MYH15: variants seen among roughly 807,000 people sequenced by gnomAD.
MYH15 encodes myosin-15.
In MYH15, 227 loss-of-function variants were observed where a neutral mutation model predicts 240.5. The ratio of observed to expected loss-of-function variants is 0.94; its 90% CI spans 0.85 to 1.05. The LOEUF (loss-of-function observed/expected upper bound fraction) is 1.05, where lower values mean the gene tolerates loss of function less well. Among genes scored for constraint, MYH15 ranks in the 50% least tolerant of loss-of-function variants. MYH15 has a pLI of 0.00. For missense variants in MYH15, 2,217 were observed against 2,247.5 expected (o/e 0.99, Z 0.27); for synonymous variants, 785 against 796.7 (o/e 0.99, Z 0.25).
the MYH15 span, among the ~76,000 whole-genome samples, chr3:108,544,821 T>A: frequency 6.6e-6 from 1 of 152,168 alleles, no homozygotes; most frequent in African/African-American, 2.4e-5. Flanking sequence ...TAACACTAAA[T>A]GTCTTTGGAC....
chr3:108,402,117 A>G (rs2082510337), intron 33 of MYH15, among the ~76,000 whole-genome samples: 1 of 139,404 alleles, frequency 7.2e-6, no homozygotes, highest in African/African-American at 2.6e-5. Flanking sequence ...GAGAAATAAG[A>G]GATTTTTTTT....
In MYH15 at chr3:108,414,223, C is replaced by T. The variant is rs1445543527; in HGVS notation, c.4145+9G>A. ...AACTCCAGGTTAAGGATAGCCTTGC[C>T]CTACTCACTTGGCATCCTCCAAGTC... On this transcript the variant is annotated intron_variant, in intron 30 of 40. Coordinates refer to ENST00000693548, the MANE Select transcript of MYH15 (RefSeq NM_014981.3). 2 of 1,612,560 alleles carry T rather than the reference C, an allele frequency of 1.2e-6. No individual in the cohort carries two copies. The highest frequency in any genetic ancestry group is 2.2e-5 in the East Asian group (1 of 44,876).
chr3:108,398,902 C>A, intron 34 of MYH15, 62 bp from the exon 35 acceptor site: 9 of 1,511,822 alleles, frequency 6.0e-6, no homozygotes, highest in Non-Finnish European at 8.3e-6. Flanking sequence ...GACTATGCAC[C>A]TACACATGCA....
At chr3:108,450,514 G>C (rs2082963226) in intron 21 of MYH15, among the ~76,000 whole-genome samples, 1 of 152,166 alleles carries the variant, frequency 6.6e-6, no homozygotes, top group African/African-American at 2.4e-5. Flanking sequence ...CAGAAGTAGA[G>C]AGTGGAATGG....
Position 108,441,144 on chromosome 3 carries a change from T to G in MYH15, c.2772A>C (p.Ile924=). The G allele has an allele frequency of 6.2e-7, 1 of 1,614,118 alleles. No individual in the cohort carries two copies. Among genetic ancestry groups the G allele is most frequent in the Non-Finnish European group, 8.5e-7 (1 of 1,179,986 alleles). Residue 924 remains isoleucine (I), a synonymous_variant, in exon 23 of 41, where the codon ATA becomes ATC. Coordinates refer to ENST00000693548, the MANE Select transcript of MYH15 (RefSeq NM_014981.3). The part of the protein sequence containing the change: ...LSERVEEEEE[I]NSELTARGRK... ...GCCCCCTGGCAGTCAGCTCAGAATT[T>G]ATCTCCTCTTCTTCCTCCACCCTCT...
intron 33 of MYH15, among the ~76,000 whole-genome samples, chr3:108,400,906 C>T (rs540937309): frequency 5.9e-5 from 9 of 152,104 alleles, no homozygotes; most frequent in African/African-American, 2.2e-4. Flanking sequence ...TTTCGTGACC[C>T]CCATTCTGCC....
chr3:108,542,146 A>G, the MYH15 span, among the ~76,000 whole-genome samples: 14 of 152,118 alleles, frequency 9.2e-5, no homozygotes, highest in African/African-American at 3.1e-4. Context: ...TTCTCACACT[A>G]TCTTCACACG....
chr3:108,531,982 G>A (rs946887920), upstream of MYH15, among the ~76,000 whole-genome samples: 4 of 152,078 alleles, frequency 2.6e-5, no homozygotes, highest in Non-Finnish European at 5.9e-5. Context: ...CAGATTTGTA[G>A]GAGAGGTCCA....
In MYH15 at chr3:108,382,252, T is replaced by C. The variant is rs554856747; in HGVS notation, c.5767-693A>G. Among the ~76,000 whole-genome samples the C allele has an allele frequency of 1.4e-4, 21 of 152,306 alleles. No homozygotes were observed. In the South Asian group the frequency reaches 4.1e-3, roughly 30 times the overall value. ...TGAGGCCAAAGTTCAAACCACTTAA[T>C]TGCCCCTCTCGCATAGGACTTATCC... On this transcript the variant is annotated intron_variant, in intron 40 of 40. Coordinates refer to ENST00000693548, the MANE Select transcript of MYH15 (RefSeq NM_014981.3).
At chr3:108,497,260 T>G (rs560788533) in intron 6 of MYH15, among the ~76,000 whole-genome samples, 1 of 151,504 alleles carries the variant, frequency 6.6e-6, no homozygotes, top group African/African-American at 2.4e-5. Context: ...ACTTCTATAG[T>G]TTAAAAATTA....
rs1056578602 is a variant in MYH15 at position 108,444,888 on chromosome 3, G to A, written c.2407C>T (p.Leu803Phe). ...FQKILEERDA[L>F]ILIQWNIRAF... ...CTTATGTTCCATTGGATCAAAATAAGTGCATCCCTAAATCAAGAAAGAAAA... is the reference window on the plus strand; with the variant it reads ...CTTATGTTCCATTGGATCAAAATAAATGCATCCCTAAATCAAGAAAGAAAA... The change falls in exon 22 of 41, where the codon CTT becomes TTT. Residue 803 changes from leucine (L) to phenylalanine (F), a missense_variant. Transcript: ENST00000693548. 2 of 1,604,888 alleles carry A rather than the reference G, an allele frequency of 1.2e-6. No individual in the cohort carries two copies. The highest frequency in any genetic ancestry group is 4.5e-5 in the East Asian group (2 of 44,802).
At chr3:108,486,821 A>G (rs1487128498) in intron 9 of MYH15, among the ~76,000 whole-genome samples, 1 of 152,216 alleles carries the variant, frequency 6.6e-6, no homozygotes, top group East Asian at 1.9e-4. Context: ...CAACAACAAC[A>G]ACAACAAAAA....
chr3:108,423,211 C>T (rs2082698017), intron 27 of MYH15, among the ~76,000 whole-genome samples: 1 of 152,130 alleles, frequency 6.6e-6, no homozygotes, highest in African/African-American at 2.4e-5. Context: ...GTGAAGTTTC[C>T]GAGGCTCCAC....
chr3:108,447,513 A>C (rs570278729), intron 21 of MYH15, among the ~76,000 whole-genome samples: 2 of 152,246 alleles, frequency 1.3e-5, no homozygotes, highest in South Asian at 4.1e-4. Context: ...TGAGACTATG[A>C]GCAGATTTCT....
At position 108,421,181 on chromosome 3, in the gene MYH15, C is replaced by T; in HGVS notation, c.3736G>A (p.Glu1246Lys). Reference sequence around the variant, plus strand: ...TTTGCAGTTGCTTCATGCAAGCGCTCTTCATATAGAGTACAGAGTTTCTCA... The same window carrying T: ...TTTGCAGTTGCTTCATGCAAGCGCTTTTCATATAGAGTACAGAGTTTCTCA... ...NAEKLCTLYE[E>K]RLHEATAKLD... is the part of the protein sequence containing the mutation. Residue 1246 changes from glutamate to lysine, a missense_variant, in exon 28 of 41, where the codon GAG becomes AAG. Physicochemically the swap from Glu to Lys is moderately conservative, Grantham distance 56. Coordinates refer to ENST00000693548, the MANE Select transcript of MYH15 (RefSeq NM_014981.3). 1 of 1,613,706 alleles carries T rather than the reference C, an allele frequency of 6.2e-7. No individual in the cohort carries two copies. The highest frequency in any genetic ancestry group is 8.5e-7 in the Non-Finnish European group (1 of 1,179,958).
chr3:108,436,303 G>A (rs1019280672), intron 25 of MYH15, among the ~76,000 whole-genome samples: 2 of 152,082 alleles, frequency 1.3e-5, no homozygotes, highest in African/African-American at 4.8e-5. Context: ...GAATGCTAAG[G>A]GAACTCTATC....
At chr3:108,464,548 C>G in intron 15 of MYH15, 90 bp downstream of exon 15, 1 of 1,250,322 alleles carries the variant, frequency 8.0e-7, no homozygotes, top group Non-Finnish European at 1.1e-6. Context: ...TTAATCTAAA[C>G]ATTACTTAAA....
chr3:108,460,448 G>A lies in MYH15; in HGVS notation c.1865-81C>T, dbSNP rs2083062885. The A allele has an allele frequency of 5.5e-6, 6 of 1,094,454 alleles. No individual in the cohort carries two copies. In the Admixed American group the frequency reaches 1.7e-4, roughly 31 times the overall value. 67.8% of individuals were successfully genotyped at this position (1,094,454 alleles called of 1,614,324 possible). On this transcript the variant is annotated intron_variant, in intron 16 of 40. Transcript: ENST00000693548. ...ACATTATCCTACCCCACTGATGGAA[G>A]CATAAATTCACCAGAGTTCTAGAAC... is the stretch of plus-strand genomic sequence containing the variant.
At chr3:108,543,106 C>A in the MYH15 span, among the ~76,000 whole-genome samples, 1 of 152,126 alleles carries the variant, frequency 6.6e-6, no homozygotes, top group South Asian at 2.1e-4. Context: ...GTCTCGATCT[C>A]CTGACCTTGT....
Sources: gnomAD v4.1 joint callset for allele counts (sites outside exome capture counted in the v4.1 genomes callset) on GRCh38, gnomAD v4.1.1 for gene constraint, MANE v1.5 for transcripts, NCBI Gene and HGNC (gene_info 2026-07-23, HGNC 2026-07-21) for gene names.